Variants in TTC33 observed in about 807,000 individuals in gnomAD.
The protein encoded by TTC33 is tetratricopeptide repeat protein 33.
A neutral mutation model predicts 29.4 loss-of-function variants in TTC33; 24 were observed. The observed-to-expected ratio is 0.82, with a 90% confidence interval of 0.59 to 1.15. The LOEUF is 1.15. Ranked by LOEUF, TTC33 falls within the 50% of genes most tolerant of loss-of-function variation. The pLI is 0.00. For synonymous variants in TTC33, 107 were observed against 100.3 expected (o/e 1.07, Z -0.40); for missense variants, 286 against 310.4 (o/e 0.92, Z 0.59).
intron 4 of TTC33, among the ~76,000 whole-genome samples, chr5:40,725,498 T>C (rs927284584): frequency 1.3e-5 from 2 of 152,008 alleles, no homozygotes; most frequent in Admixed American, 6.6e-5. Context: ...GTAAACAAAA[T>C]TAGTATTTAT....
At chr5:40,739,018 A>G (rs924598406) in intron 2 of TTC33, among the ~76,000 whole-genome samples, 6 of 152,114 alleles carry the variant, frequency 3.9e-5, no homozygotes, top group African/African-American at 1.2e-4. Context: ...GTTCTCAATT[A>G]AGCCTTTTAA....
chr5:40,726,017 C>G (rs1228612768), intron 4 of TTC33, among the ~76,000 whole-genome samples: 1 of 151,642 alleles, frequency 6.6e-6, no homozygotes, highest in Non-Finnish European at 1.5e-5. Flanking sequence ...AATCTCCTGA[C>G]CTTGTGATCC....
At chr5:40,718,610 C>T (rs183396514) in intron 4 of TTC33, among the ~76,000 whole-genome samples, 2 of 151,876 alleles carry the variant, frequency 1.3e-5, no homozygotes, top group Admixed American at 6.6e-5. Flanking sequence ...CATGGTGGCA[C>T]CCTCCACGTG....
intron 1 of TTC33, among the ~76,000 whole-genome samples, chr5:40,750,056 C>G (rs1742866070): frequency 6.7e-6 from 1 of 149,914 alleles, no homozygotes; most frequent in Non-Finnish European, 1.5e-5. Context: ...CCACTGCATT[C>G]CAGCCTGAGC....
At chr5:40,718,775 C>T (rs1742064205) in intron 4 of TTC33, among the ~76,000 whole-genome samples, 1 of 151,692 alleles carries the variant, frequency 6.6e-6, no homozygotes, top group African/African-American at 2.4e-5. Flanking sequence ...GTGGTGTATG[C>T]CTGTAATCCC....
In TTC33 at chr5:40,738,567, TATAAAATAAA is replaced by T. The variant is rs199498234; in HGVS notation, c.221+8221_222-8225del. 5.2e-3 allele frequency among the ~76,000 whole-genome samples: 352 copies of T among 67,618 alleles called. 5 individuals carry two copies. Among genetic ancestry groups the T allele is most frequent in the African/African-American group, 0.014 (280 of 19,558 alleles). The allele number at this position is 67,618 out of a possible 152,430, so 44.4% of individuals were successfully genotyped here. A position where few individuals can be genotyped will look rare whatever the true frequency, so the allele number is the denominator to read the frequency against. On this transcript the variant is annotated intron_variant, in intron 2 of 4. Coordinates refer to ENST00000337702, the MANE Select transcript of TTC33 (RefSeq NM_012382.3). ...TAAAATAAAATAAAATAAAATAAAA[TATAAAATAAA>T]ATAAAATAAAATAAAATAAAATAAA...
At chr5:40,737,388 A>T (rs1204248563) in intron 2 of TTC33, among the ~76,000 whole-genome samples, 1 of 152,208 alleles carries the variant, frequency 6.6e-6, no homozygotes. Context: ...GTGATAAAAT[A>T]ACCAAGACCC....
chr5:40,731,282 C>A (rs1742421298), intron 2 of TTC33, among the ~76,000 whole-genome samples: 1 of 152,174 alleles, frequency 6.6e-6, no homozygotes, highest in Admixed American at 6.5e-5. Context: ...CCACTCCCTA[C>A]ACATACCTGT....
intron 4 of TTC33, among the ~76,000 whole-genome samples, chr5:40,718,717 G>A (rs909198970): frequency 1.1e-4 from 17 of 151,394 alleles, no homozygotes; most frequent in South Asian, 2.1e-4. Context: ...CAGCCTGGGC[G>A]ACAGAGCAAG....
At chr5:40,743,457 T>C (rs1742735696) in intron 2 of TTC33, among the ~76,000 whole-genome samples, 1 of 152,160 alleles carries the variant, frequency 6.6e-6, no homozygotes, top group African/African-American at 2.4e-5. Flanking sequence ...TATATTACTT[T>C]CAATCAAGTT....
Position 40,716,071 on chromosome 5 carries a change from G to C in TTC33, c.*74C>G. The C allele has an allele frequency of 7.9e-7, 1 of 1,261,686 alleles. No homozygotes were observed. The highest frequency in any genetic ancestry group is 1.1e-6 in the Non-Finnish European group (1 of 921,100). 78.2% of individuals were successfully genotyped at this position (1,261,686 alleles called of 1,614,324 possible). ...CCAGGCGTTCTCCTATCTATCTCCA[G>C]AGTAAATGTCTCTATGTCAAAACTT... On this transcript the variant is annotated 3_prime_UTR_variant, in exon 5 of 5. Transcript: ENST00000337702.
At position 40,726,218 on chromosome 5, in the gene TTC33, A is replaced by ATG. The variant is rs537371547; in HGVS notation, c.435+2126_435+2127insCA. 3.1e-3 allele frequency among the ~76,000 whole-genome samples: 475 copies of ATG among 151,030 alleles called. 2 individuals carry two copies. The highest frequency in any genetic ancestry group is 4.5e-3 in the Non-Finnish European group (308 of 67,794). ...TATACCATATACATACATATTTTAT[A>ATG]TATATATATCTCCTATAAACATTTT... is the stretch of plus-strand genomic sequence containing the variant. On this transcript the variant is annotated intron_variant, in intron 4 of 4. Transcript: ENST00000337702.
chr5:40,722,497 G>T lies in TTC33; in HGVS notation c.435+5848C>A, dbSNP rs998695820. Among the ~76,000 whole-genome samples the T allele has an allele frequency of 1.3e-4, 19 of 150,886 alleles. No homozygotes were observed. In the South Asian group the frequency reaches 4.0e-3, roughly 32 times the overall value. Reference sequence around the variant, plus strand: ...CCTGGCGGCCCATCGTCTGGGATGTGGGGAGCGCCTCTGCCCCACCTCCCC... The same window carrying T: ...CCTGGCGGCCCATCGTCTGGGATGTTGGGAGCGCCTCTGCCCCACCTCCCC... On this transcript the variant is annotated intron_variant, in intron 4 of 4. Coordinates refer to ENST00000337702, the MANE Select transcript of TTC33 (RefSeq NM_012382.3).
chr5:40,723,175 A>C (rs1173416787), intron 4 of TTC33, among the ~76,000 whole-genome samples: 1 of 152,140 alleles, frequency 6.6e-6, no homozygotes, highest in East Asian at 1.9e-4. Context: ...GTGTCCACTC[A>C]GGGTTAAATG....
chr5:40,731,889 C>T (rs1156936384), intron 2 of TTC33, among the ~76,000 whole-genome samples: 1 of 152,228 alleles, frequency 6.6e-6, no homozygotes, highest in African/African-American at 2.4e-5. Context: ...GACCACATAG[C>T]AACACTTATA....
intron 4 of TTC33, among the ~76,000 whole-genome samples, chr5:40,717,609 T>C (rs1335643802): frequency 6.6e-6 from 1 of 152,206 alleles, no homozygotes; most frequent in East Asian, 1.9e-4. Context: ...CCTTTCCTAG[T>C]TGTGATAAAC....
At chr5:40,721,411 T>C (rs1004215766) in intron 4 of TTC33, among the ~76,000 whole-genome samples, 4 of 152,138 alleles carry the variant, frequency 2.6e-5, no homozygotes, top group Non-Finnish European at 5.9e-5. Context: ...GTCAGATATA[T>C]AGACCAATGG....
rs2111949861 is a variant in TTC33, at chr5:40,755,886, C to G, written c.-64G>C. 1 of 152,532 alleles carries G rather than the reference C, an allele frequency of 6.6e-6. No individual in the cohort carries two copies. Among genetic ancestry groups the G allele is most frequent in the Non-Finnish European group, 1.5e-5 (1 of 68,082 alleles). 9.4% of individuals were successfully genotyped at this position (152,532 alleles called of 1,614,324 possible). On this transcript the variant is annotated 5_prime_UTR_variant, in exon 1 of 5. Transcript: ENST00000337702. ...TTTGGCCCACCCCTGGGCGTTCGAA[C>G]AGTCCACAGAAGCGGGCAAAGGAAA...
intron 2 of TTC33, among the ~76,000 whole-genome samples, chr5:40,734,527 T>C (rs1207428016): frequency 6.6e-6 from 1 of 152,198 alleles, no homozygotes; most frequent in Non-Finnish European, 1.5e-5. Context: ...GATGAGATAA[T>C]GCCCTATACT....
Sources: gnomAD v4.1 joint callset for allele counts (sites outside exome capture counted in the v4.1 genomes callset) on GRCh38, gnomAD v4.1.1 for gene constraint, MANE v1.5 for transcripts, NCBI Gene and HGNC (gene_info 2026-07-23, HGNC 2026-07-21) for gene names.